The following SEC22A variants were observed in gnomAD, a reference collection of about 807,000 sequenced individuals.
SEC22A encodes the protein SEC22 homolog A, vesicle trafficking protein, also known as vesicle-trafficking protein SEC22a.
SEC22A carries 22 observed loss-of-function variants against 35.3 expected under a neutral mutation model. The ratio of observed to expected loss-of-function variants is 0.62; its 90% CI spans 0.45 to 0.89. SEC22A has a LOEUF of 0.89. Ranked by LOEUF, SEC22A falls within the 40% of genes least tolerant of loss-of-function variation. The pLI is 0.00. For synonymous variants in SEC22A, 119 were observed against 129.5 expected (o/e 0.92, Z 0.55); for missense variants, 354 against 362.5 (o/e 0.98, Z 0.19).
rs202088524 is a variant in SEC22A, at chr3:123,253,777, T to TTTA, written c.658-5744_658-5742dup. Among the ~76,000 whole-genome samples the TTTA allele has an allele frequency of 8.8e-3, 1,333 of 151,832 alleles. 9 individuals carry two copies. Among genetic ancestry groups the TTTA allele is most frequent in the African/African-American group, 0.03 (1,250 of 41,468 alleles). The stretch of plus-strand genomic sequence containing the variant: ...GCTAATACTTAACAGAACTTTTTCA[T>TTTA]TTATTTAGTGACATATCTATGCTAA... On this transcript the variant is annotated intron_variant, in intron 5 of 6. Coordinates refer to ENST00000492595, the MANE Select transcript of SEC22A (RefSeq NM_012430.5).
At chr3:123,261,611 TATAAA>T (rs769688511) in intron 6 of SEC22A, among the ~76,000 whole-genome samples, 99 of 152,368 alleles carry the variant, frequency 6.5e-4, no homozygotes, top group African/African-American at 2.1e-3. Flanking sequence ...TAATCATTCT[TATAAA>T]ATACAAGTTT....
chr3:123,204,346 T>A (rs1936811579), intron 1 of SEC22A, among the ~76,000 whole-genome samples: 1 of 152,202 alleles, frequency 6.6e-6, no homozygotes, highest in Non-Finnish European at 1.5e-5. Flanking sequence ...CTGAAAGTGG[T>A]ACTTGGATGA....
rs115067813 is a variant in SEC22A, at chr3:123,204,368, G to A, written c.-20+2382G>A. 3.6e-3 allele frequency among the ~76,000 whole-genome samples: 555 copies of A among 152,326 alleles called. 2 individuals carry two copies. The highest frequency in any genetic ancestry group is 7.3e-3 in the Admixed American group (112 of 15,302). ...TGGTACTTGGATGACTGAAGACTGG[G>A]AAGTTATGAACTAAAATAAATATGA... On this transcript the variant is annotated intron_variant, in intron 1 of 6. Coordinates refer to ENST00000492595, the MANE Select transcript of SEC22A (RefSeq NM_012430.5).
At chr3:123,262,064 C>G (rs1453234417) in intron 6 of SEC22A, among the ~76,000 whole-genome samples, 2 of 152,138 alleles carry the variant, frequency 1.3e-5, no homozygotes, top group Admixed American at 6.5e-5. Flanking sequence ...GATAATAATG[C>G]TGTTTTTTTC....
At chr3:123,241,654 C>G (rs1937523995) in intron 4 of SEC22A, among the ~76,000 whole-genome samples, 1 of 152,182 alleles carries the variant, frequency 6.6e-6, no homozygotes, top group Non-Finnish European at 1.5e-5. Flanking sequence ...CCTATTATCT[C>G]TGTTAAGCTT....
Position 123,271,584 on chromosome 3 carries a change from A to G in SEC22A, c.786A>G (p.Leu262=). The G allele has an allele frequency of 6.2e-7, 1 of 1,614,140 alleles. No homozygotes were observed. Among genetic ancestry groups the G allele is most frequent in the Non-Finnish European group, 8.5e-7 (1 of 1,180,004 alleles). ...RNVKSFLTFG[L]ICLCNMYLYE... is the part of the protein sequence containing the mutation. Reference sequence around the variant, plus strand: ...TCAAATCTTTTTTGACTTTTGGCTTAATCTGTCTATGCAACATGTATCTCT... The same window carrying G: ...TCAAATCTTTTTTGACTTTTGGCTTGATCTGTCTATGCAACATGTATCTCT... The change falls in exon 7 of 7, where the codon TTA becomes TTG. Residue 262 remains leucine (L), a synonymous_variant. Transcript: ENST00000492595.
At chr3:123,263,578 G>A (rs879626356) in intron 6 of SEC22A, among the ~76,000 whole-genome samples, 34 of 151,570 alleles carry the variant, frequency 2.2e-4, no homozygotes, top group Admixed American at 3.9e-4. Flanking sequence ...GTGCAGTGGC[G>A]CGATCTTGGC....
intron 4 of SEC22A, among the ~76,000 whole-genome samples, chr3:123,232,428 A>G (rs1431353138): frequency 1.3e-5 from 2 of 152,246 alleles, no homozygotes; most frequent in Admixed American, 6.5e-5. Context: ...TGTAAAAGCA[A>G]AAAGATTCAA....
intron 4 of SEC22A, among the ~76,000 whole-genome samples, chr3:123,241,002 TACACACAC>T (rs35775511): frequency 0.062 from 8,847 of 142,644 alleles, 302 homozygotes; most frequent in Middle Eastern, 0.14. Context: ...CTCTCTTTCT[TACACACAC>T]ACACACACAC....
At chr3:123,244,595 T>C (rs1937551711) in intron 4 of SEC22A, among the ~76,000 whole-genome samples, 1 of 152,228 alleles carries the variant, frequency 6.6e-6, no homozygotes, top group East Asian at 1.9e-4. Flanking sequence ...GAAAATGTTA[T>C]ATAAGCACTT....
rs747221898 is a variant in SEC22A, at chr3:123,271,668, A to C, written c.870A>C (p.Thr290=). The change falls in exon 7 of 7, where the codon ACA becomes ACC. Residue 290 remains threonine, a synonymous_variant. Coordinates refer to ENST00000492595, the MANE Select transcript of SEC22A (RefSeq NM_012430.5). ...ATGTGACTGTGGGAGCATTTGTTACACTACAGATCTGGCTAAGGCAAGCCC... is the reference window on the plus strand; with the variant it reads ...ATGTGACTGTGGGAGCATTTGTTACCCTACAGATCTGGCTAAGGCAAGCCC... ...FFHVTVGAFV[T]LQIWLRQAQG... 1.2e-6 allele frequency: 2 copies of C among 1,614,146 alleles called. No homozygotes were observed. Among genetic ancestry groups the C allele is most frequent in the Non-Finnish European group, 1.7e-6 (2 of 1,180,026 alleles).
intron 6 of SEC22A, among the ~76,000 whole-genome samples, chr3:123,267,682 A>G (rs1001637858): frequency 3.3e-5 from 5 of 152,128 alleles, no homozygotes; most frequent in African/African-American, 1.2e-4. Context: ...CAATGTTTCA[A>G]GATTCCTTCT....
intron 5 of SEC22A, among the ~76,000 whole-genome samples, chr3:123,256,565 C>T (rs1051384129): frequency 6.6e-6 from 1 of 152,094 alleles, no homozygotes; most frequent in Admixed American, 6.5e-5. Flanking sequence ...TTTACTCCAT[C>T]TAGGAAGTCT....
chr3:123,248,282 G>A (rs1227235794), intron 5 of SEC22A, among the ~76,000 whole-genome samples: 2 of 152,144 alleles, frequency 1.3e-5, no homozygotes, highest in Non-Finnish European at 2.9e-5. Context: ...TTTGTTCACA[G>A]ATGACATGAC....
Position 123,260,089 on chromosome 3 carries a change from G to A in SEC22A, c.723+500G>A, listed in dbSNP as rs912310165. Among the ~76,000 whole-genome samples, 10 of 123,056 alleles carry A rather than the reference G, an allele frequency of 8.1e-5. 1 individual carries two copies. In the South Asian group the frequency reaches 8.2e-4, roughly 10 times the overall value. 80.7% of individuals were successfully genotyped at this position (123,056 alleles called of 152,430 possible). On this transcript the variant is annotated intron_variant, in intron 6 of 6. Transcript: ENST00000492595. ...AGAGGTTGCAGTGAGCCAAGATCGC[G>A]CCACTGCACTCCGGCCTGGGCAACA... is the stretch of plus-strand genomic sequence containing the variant.
chr3:123,211,859 G>A (rs937109060), intron 2 of SEC22A, among the ~76,000 whole-genome samples: 1 of 152,120 alleles, frequency 6.6e-6, no homozygotes, highest in Non-Finnish European at 1.5e-5. Context: ...CTTGAGCCCA[G>A]GAGTTTGAGA....
chr3:123,203,128 A>G (rs981978215), intron 1 of SEC22A, among the ~76,000 whole-genome samples: 8 of 116,608 alleles, frequency 6.9e-5, no homozygotes, highest in African/African-American at 1.3e-4. Context: ...TTATGTTGGT[A>G]TATGAAAGAG....
intron 5 of SEC22A, among the ~76,000 whole-genome samples, chr3:123,254,567 A>C (rs1937677336): frequency 6.6e-6 from 1 of 151,724 alleles, no homozygotes. Flanking sequence ...CTTCACCTAC[A>C]TTTCATCTGC....
intron 4 of SEC22A, among the ~76,000 whole-genome samples, chr3:123,233,397 C>G (rs1255052575): frequency 6.6e-6 from 1 of 152,100 alleles, no homozygotes; most frequent in South Asian, 2.1e-4. Context: ...TAAATACACT[C>G]TATGACGTTT....
Sources: gnomAD v4.1 joint callset for allele counts (sites outside exome capture counted in the v4.1 genomes callset) on GRCh38, gnomAD v4.1.1 for gene constraint, MANE v1.5 for transcripts, NCBI Gene and HGNC (gene_info 2026-07-23, HGNC 2026-07-21) for gene names.